Variants in COBL observed in about 807,000 individuals in gnomAD.
COBL encodes protein cordon-bleu.
A neutral mutation model predicts 98.8 loss-of-function variants in COBL; 51 were observed. The ratio of observed to expected loss-of-function variants is 0.52; its 90% CI spans 0.41 to 0.65. COBL has a LOEUF of 0.65. Ranked by LOEUF, COBL falls within the 30% of genes least tolerant of loss-of-function variation. The pLI, the probability that COBL is intolerant of heterozygous loss-of-function variation, is 0.00. For synonymous variants in COBL, 634 were observed against 651.7 expected (o/e 0.97, Z 0.41); for missense variants, 1,617 against 1,617.5 (o/e 1.00, Z 0.01).
intron 2 of COBL, among the ~76,000 whole-genome samples, chr7:51,213,287 G>C (rs1245707823): frequency 6.6e-6 from 1 of 152,210 alleles, no homozygotes; most frequent in Non-Finnish European, 1.5e-5. Flanking sequence ...CAGCAGGTGA[G>C]CAGTGAACAA....
chr7:51,309,021 C>T (rs1325661673), intron 1 of COBL, among the ~76,000 whole-genome samples: 1 of 152,158 alleles, frequency 6.6e-6, no homozygotes, highest in Non-Finnish European at 1.5e-5. Flanking sequence ...AGGCCAGAAA[C>T]TGTCAGGGGC....
intron 2 of COBL, among the ~76,000 whole-genome samples, chr7:51,194,578 A>T (rs1790417739): frequency 6.6e-6 from 1 of 152,228 alleles, no homozygotes; most frequent in Non-Finnish European, 1.5e-5. Context: ...CAATCCCATC[A>T]ACAGTGTATA....
At chr7:51,210,241 G>C (rs971548433) in intron 2 of COBL, among the ~76,000 whole-genome samples, 2 of 152,028 alleles carry the variant, frequency 1.3e-5, no homozygotes, top group Non-Finnish European at 2.9e-5. Flanking sequence ...TCGAGGGTGG[G>C]AGTAGATCAT....
At chr7:51,083,724 C>T (rs1793909151) in intron 7 of COBL, among the ~76,000 whole-genome samples, 1 of 152,058 alleles carries the variant, frequency 6.6e-6, no homozygotes, top group Non-Finnish European at 1.5e-5. Flanking sequence ...CTTTTCAACC[C>T]CTTTGGTTGT....
chr7:51,136,689 T>C (rs1233052641), intron 5 of COBL, among the ~76,000 whole-genome samples: 2 of 152,204 alleles, frequency 1.3e-5, no homozygotes, highest in Non-Finnish European at 1.5e-5. Context: ...AATGAGCTCT[T>C]AGACACTAAA....
rs1458661091 is a variant in COBL, at chr7:51,175,143, A to T, written c.783+8959T>A. On this transcript the variant is annotated intron_variant, in intron 5 of 12. Transcript: ENST00000265136. ...TGCCTTGCAGGCAAGTGATTCAGGCATCAGTGATTAAAGAGGAAAACTACC... is the reference window on the plus strand; with the variant it reads ...TGCCTTGCAGGCAAGTGATTCAGGCTTCAGTGATTAAAGAGGAAAACTACC... Among the ~76,000 whole-genome samples, 6 of 152,386 alleles carry T rather than the reference A, an allele frequency of 3.9e-5. No individual in the cohort carries two copies. In the East Asian group the frequency reaches 1.2e-3, roughly 29 times the overall value.
chr7:51,269,592 T>G (rs905627290), intron 1 of COBL, among the ~76,000 whole-genome samples: 4 of 152,242 alleles, frequency 2.6e-5, no homozygotes, highest in Non-Finnish European at 5.9e-5. Flanking sequence ...CTGCTCTCCT[T>G]GCCCGTGGCT....
chr7:51,137,277 G>A (rs1419249306), intron 5 of COBL, among the ~76,000 whole-genome samples: 1 of 152,254 alleles, frequency 6.6e-6, no homozygotes, highest in Non-Finnish European at 1.5e-5. Context: ...CTTAGACGAG[G>A]TATTTTTTGG....
At chr7:51,056,850 C>CACACAT in intron 7 of COBL, among the ~76,000 whole-genome samples, 1 of 150,306 alleles carries the variant, frequency 6.7e-6, no homozygotes, top group South Asian at 2.1e-4. Flanking sequence ...CACACACACA[C>CACACAT]GGCAAAAACC....
chr7:51,070,390 A>ACACACACACACAC (rs1243078918), intron 7 of COBL, among the ~76,000 whole-genome samples: 1 of 45,856 alleles, frequency 2.2e-5, no homozygotes, highest in East Asian at 1.4e-3. Context: ...TGAAACAGTT[A>ACACACACACACAC]AAACACACAC....
chr7:51,053,467 C>A (rs573428588), intron 7 of COBL, among the ~76,000 whole-genome samples: 1 of 152,332 alleles, frequency 6.6e-6, no homozygotes, highest in East Asian at 1.9e-4. Flanking sequence ...CAAGCTGGCA[C>A]ACTGTGCAAT....
chr7:51,067,259 T>C (rs559294678), intron 7 of COBL, among the ~76,000 whole-genome samples: 2 of 152,252 alleles, frequency 1.3e-5, no homozygotes, highest in South Asian at 2.1e-4. Flanking sequence ...ACGTGTTATG[T>C]ATATTTGCAC....
intron 1 of COBL, among the ~76,000 whole-genome samples, chr7:51,248,735 G>A (rs1796479171): frequency 6.6e-6 from 1 of 151,988 alleles, no homozygotes; most frequent in Non-Finnish European, 1.5e-5. Context: ...AAAGAACTAG[G>A]AAATATATTT....
At chr7:51,101,826 C>G (rs1795832842) in intron 6 of COBL, among the ~76,000 whole-genome samples, 3 of 152,180 alleles carry the variant, frequency 2.0e-5, no homozygotes, top group Admixed American at 2.0e-4. Flanking sequence ...CCTTTTCCTT[C>G]CCGCAACCAG....
At chr7:51,109,307 C>T (rs1796619934) in intron 6 of COBL, among the ~76,000 whole-genome samples, 1 of 152,232 alleles carries the variant, frequency 6.6e-6, no homozygotes, top group South Asian at 2.1e-4. Context: ...ATGCACCACC[C>T]TGTGAGCTCC....
chr7:51,087,323 A>C (rs1446556397), intron 6 of COBL, among the ~76,000 whole-genome samples: 1 of 152,154 alleles, frequency 6.6e-6, no homozygotes, highest in African/African-American at 2.4e-5. Context: ...GAGATGTATA[A>C]TGTATATCAT....
intron 7 of COBL, among the ~76,000 whole-genome samples, chr7:51,046,977 G>A (rs1789771909): frequency 6.6e-6 from 1 of 152,158 alleles, no homozygotes; most frequent in South Asian, 2.1e-4. Flanking sequence ...CAAAATATAG[G>A]ATGTAAACAC....
At chr7:51,236,401 C>A (rs1795264516) in intron 1 of COBL, among the ~76,000 whole-genome samples, 1 of 152,180 alleles carries the variant, frequency 6.6e-6, no homozygotes, top group South Asian at 2.1e-4. Flanking sequence ...CAGGACAGGG[C>A]AGGGCTCTGG....
chr7:51,191,187 T>G (rs1017084465), intron 3 of COBL, 109 bp from the exon 4 acceptor site: 8 of 887,370 alleles, frequency 9.0e-6, no homozygotes, highest in Non-Finnish European at 1.4e-5. Flanking sequence ...GTAGCCTGAA[T>G]CCTTCTTCCA....
Sources: gnomAD v4.1 joint callset for allele counts (sites outside exome capture counted in the v4.1 genomes callset) on GRCh38, gnomAD v4.1.1 for gene constraint, MANE v1.5 for transcripts, NCBI Gene and HGNC (gene_info 2026-07-23, HGNC 2026-07-21) for gene names.